The following RRM2B variants were observed in gnomAD, a reference collection of about 807,000 sequenced individuals.
RRM2B encodes ribonucleotide reductase regulatory TP53 inducible subunit M2B.
A neutral mutation model predicts 45.9 loss-of-function variants in RRM2B; 20 were observed. The observed-to-expected ratio is 0.44, with a 90% CI of 0.31 to 0.63. RRM2B has a LOEUF of 0.63. RRM2B is among the 30% of genes least tolerant of loss of function. The pLI is 0.09. For missense variants in RRM2B, 320 were observed against 414.7 expected, an observed-to-expected ratio of 0.77 and a Z score of 1.98; for synonymous variants, 124 against 132.3, an observed-to-expected ratio of 0.94 and a Z score of 0.43.
At chr8:102,223,531 TA>T (rs1484356922) in intron 5 of RRM2B, among the ~76,000 whole-genome samples, 1 of 151,584 alleles carries the variant, frequency 6.6e-6, no homozygotes. Context: ...CCATCTCTAT[TA>T]AAAAATACAA....
At chr8:102,216,174 G>GCT (rs1465622831) in intron 6 of RRM2B, among the ~76,000 whole-genome samples, 5 of 151,936 alleles carry the variant, frequency 3.3e-5, no homozygotes, top group African/African-American at 1.2e-4. Context: ...AGAAGACAGC[G>GCT]CAAGTCAATG....
At chr8:102,235,967 A>G (rs1222597651) in intron 1 of RRM2B, among the ~76,000 whole-genome samples, 1 of 152,246 alleles carries the variant, frequency 6.6e-6, no homozygotes, top group Non-Finnish European at 1.5e-5. Context: ...AATGGATGTG[A>G]TTATCCAGAG....
intron 5 of RRM2B, among the ~76,000 whole-genome samples, chr8:102,219,289 T>C (rs368535080): frequency 1.3e-5 from 2 of 152,220 alleles, no homozygotes; most frequent in African/African-American, 4.8e-5. Context: ...TATGTATACA[T>C]ATGTGTGTGT....
chr8:102,225,949 G>A lies in RRM2B; in HGVS notation c.290C>T (p.Ala97Val), dbSNP rs1810924001. Residue 97 changes from alanine (A) to valine (V), a missense_variant, in exon 3 of 9, where the codon GCA becomes GTA. Around this residue, in one of 3 missense-constraint regions of RRM2B, gnomAD observed 225 missense variants for 289.4 expected, o/e 0.78. Transcript: ENST00000251810. ...TTCATTTACAATTCCATCACTGGCT[G>A]CAAAAAAGGCTAAGATGTGAGAGAT... ...YFISHILAFF[A>V]ASDGIVNENL... The A allele has an allele frequency of 6.2e-7, 1 of 1,610,414 alleles. No individual in the cohort carries two copies. Among genetic ancestry groups the A allele is most frequent in the Non-Finnish European group, 8.5e-7 (1 of 1,176,904 alleles).
At chr8:102,220,018 C>T (rs1326346672) in intron 5 of RRM2B, among the ~76,000 whole-genome samples, 1 of 152,172 alleles carries the variant, frequency 6.6e-6, no homozygotes, top group Non-Finnish European at 1.5e-5. Context: ...GAAGGAGGAT[C>T]ACTTGAATGC....
chr8:102,225,032 G>A lies in RRM2B; in HGVS notation c.322-14C>T, dbSNP rs760306129. On this transcript the variant is annotated splice_polypyrimidine_tract_variant and intron_variant, in intron 3 of 8. Transcript: ENST00000251810. ...AAAGCGCTCCACCTAAGAAGATAAG[G>A]AAAATAGATATATCCAGTTCTATAG... The A allele has an allele frequency of 6.2e-7, 1 of 1,613,494 alleles. No individual in the cohort carries two copies. The highest frequency in any genetic ancestry group is 1.1e-5 in the South Asian group (1 of 90,972).
chr8:102,237,031 A>G (rs1811133338), intron 1 of RRM2B, among the ~76,000 whole-genome samples: 1 of 151,626 alleles, frequency 6.6e-6, no homozygotes, highest in Non-Finnish European at 1.5e-5. Flanking sequence ...ATAGTCATAC[A>G]CTACTTGTAA....
chr8:102,235,837 GT>G (rs1223456076), intron 1 of RRM2B, among the ~76,000 whole-genome samples: 5 of 151,648 alleles, frequency 3.3e-5, no homozygotes, highest in African/African-American at 1.2e-4. Context: ...GTGAGACTCC[GT>G]CTCAAAAAAA....
chr8:102,224,350 A>G (rs1462570168), intron 4 of RRM2B, among the ~76,000 whole-genome samples: 1 of 151,926 alleles, frequency 6.6e-6, no homozygotes, highest in Non-Finnish European at 1.5e-5. Flanking sequence ...CCCGGCTAGT[A>G]TTTTTAGTAG....
chr8:102,215,792 T>A (rs1216664458), intron 6 of RRM2B, among the ~76,000 whole-genome samples: 1 of 151,778 alleles, frequency 6.6e-6, no homozygotes, highest in African/African-American at 2.4e-5. Flanking sequence ...AAAACTTTTT[T>A]AATTAACTGG....
chr8:102,232,079 A>T, intron 2 of RRM2B, 70 bp downstream of exon 2: 15 of 1,362,212 alleles, frequency 1.1e-5, no homozygotes, highest in Non-Finnish European at 1.6e-5. Context: ...AAAGTTATTC[A>T]ATATCCTGTA....
chr8:102,223,898 G>T (rs1163138968), intron 5 of RRM2B, 148 bp downstream of exon 5: 5 of 718,834 alleles, frequency 7.0e-6, no homozygotes, highest in Admixed American at 3.9e-5. Flanking sequence ...TAATTATTAG[G>T]AATAATGATT....
At chr8:102,222,635 G>A (rs991304407) in intron 5 of RRM2B, among the ~76,000 whole-genome samples, 5 of 152,050 alleles carry the variant, frequency 3.3e-5, no homozygotes, top group Admixed American at 2.0e-4. Context: ...TGACATATCC[G>A]TAATAATCTG....
intron 5 of RRM2B, among the ~76,000 whole-genome samples, chr8:102,220,026 T>C (rs1208521919): frequency 2.0e-5 from 3 of 152,176 alleles, no homozygotes; most frequent in African/African-American, 7.2e-5. Flanking sequence ...ATCACTTGAA[T>C]GCAGGAGTTA....
rs141000142 is a variant in RRM2B at position 102,237,454 on chromosome 8, G to A, written c.48+1373C>T. Among the ~76,000 whole-genome samples, 12 of 152,284 alleles carry A rather than the reference G, an allele frequency of 7.9e-5. No individual in the cohort carries two copies. The East Asian group carries it at 2.3e-3, about 29-fold the overall frequency. ...TTGATTCACTATGTTTGGGGTGTTG[G>A]TCCAGCAATTTACATTTTTTACAAA... On this transcript the variant is annotated intron_variant, in intron 1 of 8. Coordinates refer to ENST00000251810, the MANE Select transcript of RRM2B (RefSeq NM_015713.5).
chr8:102,227,510 C>T (rs1810953508), intron 2 of RRM2B, among the ~76,000 whole-genome samples: 1 of 151,880 alleles, frequency 6.6e-6, no homozygotes, highest in South Asian at 2.1e-4. Flanking sequence ...CCATATTGCC[C>T]AGGCTGGTTT....
chr8:102,210,706 A>ACCTG (rs1268451734), intron 8 of RRM2B, among the ~76,000 whole-genome samples: 11 of 152,098 alleles, frequency 7.2e-5, no homozygotes, highest in Non-Finnish European at 1.6e-4. Context: ...CAGGTGATCC[A>ACCTG]CCTGCCTCAG....
intron 2 of RRM2B, among the ~76,000 whole-genome samples, chr8:102,230,932 A>T (rs914672554): frequency 6.6e-6 from 1 of 152,230 alleles, no homozygotes; most frequent in African/African-American, 2.4e-5. Context: ...TTCCATAGCT[A>T]GTAAGTAGTG....
intron 8 of RRM2B, among the ~76,000 whole-genome samples, chr8:102,212,250 T>G (rs1233821925): frequency 1.3e-5 from 2 of 152,198 alleles, no homozygotes; most frequent in Non-Finnish European, 2.9e-5. Flanking sequence ...GAACCAGGAT[T>G]CAAACCCAGA....
Sources: gnomAD v4.1 joint callset for allele counts (sites outside exome capture counted in the v4.1 genomes callset) on GRCh38, gnomAD v4.1.1 for gene constraint, gnomAD v4.1.1 regional missense constraint, MANE v1.5 for transcripts, NCBI Gene and HGNC (gene_info 2026-07-23, HGNC 2026-07-21) for gene names.